DIAPH3: variants seen among roughly 807,000 people sequenced by gnomAD.
The protein encoded by DIAPH3 is diaphanous related formin 3.
Under a neutral mutation model 144.3 loss-of-function variants are expected in DIAPH3, and 117 were observed. The ratio of observed to expected loss-of-function variants is 0.81; its 90% CI spans 0.70 to 0.95. The LOEUF is 0.95. Ranked by LOEUF, DIAPH3 falls within the 40% of genes least tolerant of loss-of-function variation. The probability of loss-of-function intolerance (pLI) is 0.00; values close to 1 mark genes in which losing one functional copy is unlikely to be tolerated. For synonymous variants in DIAPH3, 519 were observed against 488.9 expected (o/e 1.06, Z -0.81); for missense variants, 1,421 against 1,412.7 (o/e 1.01, Z -0.09).
At chr13:60,087,044 C>T (rs894009032) in intron 4 of DIAPH3, among the ~76,000 whole-genome samples, 1 of 152,118 alleles carries the variant, frequency 6.6e-6, no homozygotes, top group Admixed American at 6.5e-5. Context: ...TAAATCATCT[C>T]TAGATGACTT....
intron 18 of DIAPH3, among the ~76,000 whole-genome samples, chr13:59,923,868 T>C (rs1281526403): frequency 1.3e-5 from 2 of 152,190 alleles, no homozygotes; most frequent in Admixed American, 6.5e-5. Flanking sequence ...GAAATTTTCA[T>C]AAAAGGAATG....
chr13:59,994,833 C>T (rs1054436938), intron 9 of DIAPH3, among the ~76,000 whole-genome samples: 1 of 151,774 alleles, frequency 6.6e-6, no homozygotes, highest in Non-Finnish European at 1.5e-5. Flanking sequence ...GGAGAGAGGG[C>T]ATAGCCTTGT....
intron 18 of DIAPH3, among the ~76,000 whole-genome samples, chr13:59,924,193 T>C (rs923135603): frequency 5.3e-5 from 8 of 152,160 alleles, no homozygotes; most frequent in Non-Finnish European, 1.2e-4. Flanking sequence ...TTTGCCTTCT[T>C]CTCTCACAGT....
intron 25 of DIAPH3, among the ~76,000 whole-genome samples, chr13:59,787,767 A>C (rs1409483941): frequency 6.6e-6 from 1 of 152,082 alleles, no homozygotes; most frequent in Non-Finnish European, 1.5e-5. Context: ...CCCCAACCCC[A>C]AATTTATATG....
chr13:59,751,025 G>A lies in DIAPH3; in HGVS notation c.3319+23164C>T, dbSNP rs572837563. On this transcript the variant is annotated intron_variant, in intron 27 of 27. Transcript: ENST00000400324. ...AAATGATTTTTTAAGCAGAGCAGCCGGTTGCCTTCAGCAGCAATGCTTTTG... is the reference window on the plus strand; with the variant it reads ...AAATGATTTTTTAAGCAGAGCAGCCAGTTGCCTTCAGCAGCAATGCTTTTG... Among the ~76,000 whole-genome samples, 26 of 152,342 alleles carry A rather than the reference G, an allele frequency of 1.7e-4. No homozygotes were observed. In the South Asian group the frequency reaches 1.9e-3, roughly 11 times the overall value.
intron 25 of DIAPH3, among the ~76,000 whole-genome samples, chr13:59,786,658 A>G (rs891056944): frequency 6.6e-6 from 1 of 152,218 alleles, no homozygotes; most frequent in African/African-American, 2.4e-5. Flanking sequence ...ATAAGGAGAT[A>G]TATCACATTT....
intron 24 of DIAPH3, among the ~76,000 whole-genome samples, chr13:59,831,064 ACT>A (rs1255321831): frequency 2.0e-5 from 3 of 151,860 alleles, no homozygotes; most frequent in Admixed American, 2.0e-4. Context: ...GCAGTATAAC[ACT>A]GAGCTGGATA....
intron 18 of DIAPH3, among the ~76,000 whole-genome samples, chr13:59,920,355 G>T (rs926140567): frequency 6.6e-6 from 1 of 151,688 alleles, no homozygotes; most frequent in Non-Finnish European, 1.5e-5. Context: ...GATAGAAAAA[G>T]ATATGCCATG....
At chr13:59,773,272 A>G (rs1593811311) in intron 27 of DIAPH3, among the ~76,000 whole-genome samples, 3 of 152,256 alleles carry the variant, frequency 2.0e-5, no homozygotes, top group East Asian at 3.9e-4. Context: ...ACACCTATTA[A>G]AAGATAATTA....
chr13:59,916,933 T>C (rs2047250235), intron 18 of DIAPH3, among the ~76,000 whole-genome samples: 1 of 152,172 alleles, frequency 6.6e-6, no homozygotes, highest in African/African-American at 2.4e-5. Flanking sequence ...ATATCAACTA[T>C]TATAATGATT....
At chr13:59,831,963 T>C (rs1203778579) in intron 24 of DIAPH3, among the ~76,000 whole-genome samples, 1 of 151,868 alleles carries the variant, frequency 6.6e-6, no homozygotes, top group Non-Finnish European at 1.5e-5. Flanking sequence ...ATGTGGAAAC[T>C]GAGGCTCAAG....
chr13:59,876,596 T>A (rs1240911548), intron 21 of DIAPH3, among the ~76,000 whole-genome samples: 1 of 152,204 alleles, frequency 6.6e-6, no homozygotes, highest in Non-Finnish European at 1.5e-5. Context: ...GTTTCATTCA[T>A]TCAACAGCTA....
intron 1 of DIAPH3, among the ~76,000 whole-genome samples, chr13:60,139,037 C>CA (rs1260891393): frequency 6.6e-6 from 1 of 152,158 alleles, no homozygotes; most frequent in Non-Finnish European, 1.5e-5. Context: ...ATCTTAACGT[C>CA]AACACCAATT....
At chr13:60,016,212 C>G (rs530241821) in intron 5 of DIAPH3, 67 bp from the exon 6 acceptor site, 1 of 1,354,466 alleles carries the variant, frequency 7.4e-7, no homozygotes, top group South Asian at 1.2e-5. Context: ...TATTATATAC[C>G]TACAAGTATT....
At chr13:59,872,788 C>T (rs1285555248) in intron 21 of DIAPH3, among the ~76,000 whole-genome samples, 2 of 152,118 alleles carry the variant, frequency 1.3e-5, no homozygotes, top group Non-Finnish European at 2.9e-5. Flanking sequence ...TGTCTATAAG[C>T]CTGACGCCGA....
At chr13:59,914,913 G>C (rs2780632) in intron 19 of DIAPH3, among the ~76,000 whole-genome samples, 3 of 151,956 alleles carry the variant, frequency 2.0e-5, no homozygotes, top group Non-Finnish European at 4.4e-5. Context: ...TGGTGAATGG[G>C]TATAGTACAA....
chr13:59,801,082 A>G (rs897948379), intron 25 of DIAPH3, among the ~76,000 whole-genome samples: 5 of 152,200 alleles, frequency 3.3e-5, no homozygotes, highest in African/African-American at 1.2e-4. Context: ...GTACAATCTA[A>G]TTAGCCTTGA....
At chr13:59,793,078 A>G (rs1453360776) in intron 25 of DIAPH3, among the ~76,000 whole-genome samples, 1 of 152,204 alleles carries the variant, frequency 6.6e-6, no homozygotes, top group East Asian at 1.9e-4. Context: ...CCTTTTAGAT[A>G]GAAAACAGGA....
intron 21 of DIAPH3, among the ~76,000 whole-genome samples, chr13:59,863,738 T>G (rs1294477681): frequency 1.3e-5 from 2 of 152,148 alleles, no homozygotes; most frequent in East Asian, 3.8e-4. Flanking sequence ...AGTCCATGAT[T>G]TGGTACCTTG....
Sources: allele counts gnomAD v4.1 joint callset (sites outside exome capture counted in the v4.1 genomes callset), GRCh38; gene constraint gnomAD v4.1.1; transcripts MANE v1.5; gene names NCBI Gene and HGNC (gene_info 2026-07-23, HGNC 2026-07-21).